The following OGG1 variants were observed in gnomAD, a reference collection of about 807,000 sequenced individuals.
OGG1 encodes the protein 8-oxoguanine DNA glycosylase.
Under a neutral mutation model 42.3 loss-of-function variants are expected in OGG1, and 35 were observed. The observed-to-expected ratio is 0.83, with a 90% CI of 0.63 to 1.10. The LOEUF (loss-of-function observed/expected upper bound fraction) is 1.10, where lower values mean the gene tolerates loss of function less well. OGG1 is among the 50% of genes least tolerant of loss of function. OGG1 has a pLI of 0.00. For missense variants in OGG1, 484 were observed against 446.7 expected, an observed-to-expected ratio of 1.08 and a Z score of -0.75; for synonymous variants, 189 against 179.0, an observed-to-expected ratio of 1.06 and a Z score of -0.44.
At position 9,751,004 on chromosome 3, in the gene OGG1, T is replaced by C; in HGVS notation, c.197T>C (p.Leu66Pro). Residue 66 changes from leucine (L) to proline (P), a missense_variant, in exon 2 of 7, where the codon CTG becomes CCG. Transcript: ENST00000344629. ...GTACTAGCGGATCAAGTATGGACAC[T>C]GACTCAGACTGAGGAGCAGCTCCAC... is the stretch of plus-strand genomic sequence containing the variant. ...SGVLADQVWT[L>P]TQTEEQLHCT... is the part of the protein sequence containing the mutation. 1 of 1,614,008 alleles carries C rather than the reference T, an allele frequency of 6.2e-7. No individual in the cohort carries two copies. Among genetic ancestry groups the C allele is most frequent in the South Asian group, 1.1e-5 (1 of 91,048 alleles).
intron 2 of OGG1, among the ~76,000 whole-genome samples, chr3:9,771,977 C>T (rs1051842309): frequency 8.6e-5 from 13 of 151,980 alleles, no homozygotes; most frequent in Non-Finnish European, 1.5e-4. Context: ...CCAACACGCC[C>T]AACTAATTTT....
At position 9,751,845 on chromosome 3, in the gene OGG1, G is replaced by T. The variant is rs56053615; in HGVS notation, c.461G>T (p.Arg154Leu). The T allele has an allele frequency of 6.2e-7, 1 of 1,614,100 alleles. No individual in the cohort carries two copies. Among genetic ancestry groups the T allele is most frequent in the South Asian group, 1.1e-5 (1 of 91,066 alleles). Reference sequence around the variant, plus strand: ...TGTTCCTCCAACAACAACATCGCCCGCATCACTGGCATGGTGGAGCGGCTG... The same window carrying T: ...TGTTCCTCCAACAACAACATCGCCCTCATCACTGGCATGGTGGAGCGGCTG... The part of the protein sequence containing the change: ...FICSSNNNIA[R>L]ITGMVERLCQ... Residue 154 changes from arginine (R) to leucine (L), a missense_variant, in exon 3 of 7, where the codon CGC becomes CTC. By Grantham distance (102) the Arg-to-Leu change is moderately radical. Transcript: ENST00000344629.
downstream of OGG1, chr3:9,759,617 G>A (rs377602451): frequency 1.9e-4 from 302 of 1,614,028 alleles, no homozygotes; most frequent in Non-Finnish European, 2.5e-4. Context: ...GAGGGCAGAA[G>A]CAGACCTGAG....
intron 2 of OGG1, chr3:9,780,208 A>G: frequency 1.3e-6 from 1 of 783,324 alleles, no homozygotes; most frequent in Non-Finnish European, 2.0e-6. Context: ...AGCTAGGCCA[A>G]AAGACCTCAG....
downstream of OGG1, chr3:9,761,592 C>T (rs749295716): frequency 3.1e-6 from 5 of 1,613,418 alleles, no homozygotes; most frequent in Non-Finnish European, 4.2e-6. Context: ...ACTCCTGGTT[C>T]CCCCCACCAT....
At chr3:9,766,709 G>A in exon 8 of OGG1, 1 of 865,650 alleles carries the variant, frequency 1.2e-6, no homozygotes, top group Non-Finnish European at 1.4e-6. Flanking sequence ...TGCTTTCTCT[G>A]GGAGAATAAG....
At chr3:9,783,948 G>A in intron 3 of OGG1, 22 of 1,482,976 alleles carry the variant, frequency 1.5e-5, no homozygotes, top group Non-Finnish European at 1.8e-5. Context: ...AAAGCCTGTT[G>A]TAAAACCCCT....
chr3:9,750,987 G>C lies in OGG1; in HGVS notation c.180G>C (p.Ala60=), dbSNP rs368830432. ...CTGCACACTGGAGTGGTGTACTAGC[G>C]GATCAAGTATGGACACTGACTCAGA... ...QSPAHWSGVL[A]DQVWTLTQTE... Residue 60 remains alanine (A), a synonymous_variant, in exon 2 of 7, where the codon GCG becomes GCC. Coordinates refer to ENST00000344629, the MANE Select transcript of OGG1 (RefSeq NM_002542.6). 7.4e-6 allele frequency: 12 copies of C among 1,614,092 alleles called. No homozygotes were observed. Among genetic ancestry groups the C allele is most frequent in the Admixed American group, 1.7e-5 (1 of 60,008 alleles).
chr3:9,759,799 G>C, downstream of OGG1: 1 of 1,613,904 alleles, frequency 6.2e-7, no homozygotes, highest in Non-Finnish European at 8.5e-7. Context: ...GGTACTGCCT[G>C]TGTACTCCCC....
At chr3:9,768,221 C>T (rs887231063), downstream of OGG1, among the ~76,000 whole-genome samples, 6 of 152,188 alleles carry the variant, frequency 3.9e-5, no homozygotes, top group Non-Finnish European at 5.9e-5. Flanking sequence ...CTCCTTCCCC[C>T]GACTCCCCGG....
downstream of OGG1, chr3:9,759,560 T>C: frequency 6.2e-7 from 1 of 1,614,168 alleles, no homozygotes; most frequent in Non-Finnish European, 8.5e-7. Flanking sequence ...TATCTAGAGC[T>C]GTATCTCCTG....
chr3:9,786,909 C>T, intron 3 of OGG1: 1 of 1,179,116 alleles, frequency 8.5e-7, no homozygotes, highest in Non-Finnish European at 1.2e-6. Flanking sequence ...ATTTTTGCAC[C>T]AACCTAATAA....
At chr3:9,769,899 T>A (rs1045375188), downstream of OGG1, 10 of 152,134 alleles carry the variant, frequency 6.6e-5, no homozygotes, top group Non-Finnish European at 1.0e-4. Flanking sequence ...GTGGCCGCGG[T>A]CCTCACCGCT....
intron 3 of OGG1, chr3:9,787,430 C>G (rs2125624234): frequency 6.7e-7 from 1 of 1,497,186 alleles, no homozygotes; most frequent in Non-Finnish European, 8.9e-7. Flanking sequence ...TTATATCTCT[C>G]TCAAGTCCCT....
chr3:9,750,766 T>G, intron 1 of OGG1, 179 bp from the exon 2 acceptor site: 1 of 820,430 alleles, frequency 1.2e-6, no homozygotes, highest in Non-Finnish European at 2.0e-6. Context: ...GTGTGCGCCA[T>G]GCCCGGTTAA....
intron 2 of OGG1, among the ~76,000 whole-genome samples, chr3:9,778,494 T>A (rs1291483211): frequency 6.6e-6 from 1 of 152,170 alleles, no homozygotes; most frequent in Admixed American, 6.5e-5. Flanking sequence ...ATGTGGGAAG[T>A]CTAAGGGAGG....
chr3:9,756,182 T>C (rs1244337745), intron 4 of OGG1, among the ~76,000 whole-genome samples: 1 of 152,158 alleles, frequency 6.6e-6, no homozygotes, highest in Non-Finnish European at 1.5e-5. Context: ...CCACACGTGG[T>C]GGCACATGCC....
Position 9,788,005 on chromosome 3 carries a change from G to A in OGG1, c.*274G>A. 3 of 303,934 alleles carry A rather than the reference G, an allele frequency of 9.9e-6. No individual in the cohort carries two copies. In the East Asian group the frequency reaches 2.5e-4, roughly 25 times the overall value. 18.8% of individuals were successfully genotyped at this position (303,934 alleles called of 1,614,324 possible). On this transcript the variant is annotated 3_prime_UTR_variant, in exon 4 of 4. Coordinates refer to the OGG1 transcript ENST00000426518. The stretch of plus-strand genomic sequence containing the variant: ...GGACTGGTCAACACGGCAATGAAGA[G>A]GGATATGGCCGAGGAAAATGGAGAG...
intron 2 of OGG1, 105 bp downstream of exon 2, chr3:9,751,297 C>A: frequency 1.7e-6 from 2 of 1,192,448 alleles, no homozygotes; most frequent in Non-Finnish European, 2.4e-6. Flanking sequence ...ACTTCATAGG[C>A]TTTTATGAGG....
Sources: gnomAD v4.1 joint callset for allele counts (sites outside exome capture counted in the v4.1 genomes callset) on GRCh38, gnomAD v4.1.1 for gene constraint, MANE v1.5 for transcripts, NCBI Gene and HGNC (gene_info 2026-07-23, HGNC 2026-07-21) for gene names.